Variants in ERC2 observed in about 807,000 individuals in gnomAD.
ERC2 encodes ERC protein 2.
In ERC2, 42 loss-of-function variants were observed where a neutral mutation model predicts 114.8. That is an observed-to-expected ratio of 0.37 (90% CI 0.29 to 0.47). The LOEUF (loss-of-function observed/expected upper bound fraction) is 0.47, where lower values mean the gene tolerates loss of function less well. Ranked by LOEUF, ERC2 falls within the 20% of genes least tolerant of loss-of-function variation. The probability of loss-of-function intolerance (pLI) is 0.99; values close to 1 mark genes in which losing one functional copy is unlikely to be tolerated. For missense variants in ERC2, 939 were observed against 1,150.7 expected (o/e 0.82, Z 2.66); for synonymous variants, 454 against 425.5 (o/e 1.07, Z -0.82).
intron 14 of ERC2, among the ~76,000 whole-genome samples, chr3:55,808,423 C>T (rs991518581): frequency 4.0e-5 from 6 of 151,888 alleles, no homozygotes; most frequent in Admixed American, 2.0e-4. Context: ...CAGTCACAAA[C>T]CATTTACATC....
chr3:56,214,095 G>A (rs959949733), intron 3 of ERC2, among the ~76,000 whole-genome samples: 18 of 152,278 alleles, frequency 1.2e-4, no homozygotes, highest in East Asian at 7.7e-4. Flanking sequence ...AACTCAGAGC[G>A]CCTCTCCTCC....
intron 7 of ERC2, among the ~76,000 whole-genome samples, chr3:56,074,634 C>G (rs531864674): frequency 6.6e-6 from 1 of 152,236 alleles, no homozygotes; most frequent in South Asian, 2.1e-4. Context: ...AGTGGCGAAA[C>G]ACCCTTACTC....
chr3:55,942,327 C>T lies in ERC2; in HGVS notation c.2403+8098G>A, dbSNP rs1367573901. Among the ~76,000 whole-genome samples, 6 of 126,316 alleles carry T rather than the reference C, an allele frequency of 4.7e-5. No homozygotes were observed. The South Asian group carries it at 1.3e-3, about 28-fold the overall frequency. The allele number at this position is 126,316 out of a possible 152,430, so 82.9% of individuals were successfully genotyped here. A position where few individuals can be genotyped will look rare whatever the true frequency, so the allele number is the denominator to read the frequency against. On this transcript the variant is annotated intron_variant, in intron 13 of 17. Transcript: ENST00000288221. The stretch of plus-strand genomic sequence containing the variant: ...TTGTTGAGACGGAGTCTCGCTCTGT[C>T]GCCCAGGCTGGAGTGCAGTGGCGGG...
intron 2 of ERC2, among the ~76,000 whole-genome samples, chr3:56,349,386 A>C (rs1217437943): frequency 6.6e-6 from 1 of 152,178 alleles, no homozygotes; most frequent in African/African-American, 2.4e-5. Flanking sequence ...CTCCACATAC[A>C]ATTACCCAAT....
chr3:55,844,268 G>A (rs1455201291), intron 14 of ERC2, among the ~76,000 whole-genome samples: 1 of 152,104 alleles, frequency 6.6e-6, no homozygotes, highest in Non-Finnish European at 1.5e-5. Flanking sequence ...GAATGTCACA[G>A]CAACACTATT....
chr3:55,629,148 C>A (rs1004682525), intron 17 of ERC2, among the ~76,000 whole-genome samples: 4 of 151,202 alleles, frequency 2.6e-5, no homozygotes, highest in African/African-American at 9.9e-5. Context: ...AGCAAGGATT[C>A]ATTACACTTG....
intron 16 of ERC2, among the ~76,000 whole-genome samples, chr3:55,685,907 T>A (rs375848079): frequency 1.3e-5 from 2 of 152,352 alleles, no homozygotes; most frequent in African/African-American, 4.8e-5. Flanking sequence ...TTCATTTTGT[T>A]CCAAATCCAT....
chr3:56,299,602 G>T (rs2055725920), intron 2 of ERC2, among the ~76,000 whole-genome samples: 1 of 151,518 alleles, frequency 6.6e-6, no homozygotes, highest in South Asian at 2.1e-4. Context: ...GCTAATTTTT[G>T]TATTTTTTGT....
At chr3:55,931,150 G>T (rs997140565) in intron 13 of ERC2, among the ~76,000 whole-genome samples, 1 of 152,194 alleles carries the variant, frequency 6.6e-6, no homozygotes, top group Non-Finnish European at 1.5e-5. Flanking sequence ...TTACACTGTT[G>T]GTGAGAGTGT....
intron 7 of ERC2, among the ~76,000 whole-genome samples, chr3:56,066,768 T>C (rs2076501750): frequency 6.6e-6 from 1 of 152,114 alleles, no homozygotes; most frequent in Non-Finnish European, 1.5e-5. Context: ...GTTTTCTGCA[T>C]ATGGCCTATT....
intron 14 of ERC2, among the ~76,000 whole-genome samples, chr3:55,821,656 G>A (rs770027298): frequency 1.3e-5 from 2 of 152,224 alleles, no homozygotes; most frequent in Non-Finnish European, 1.5e-5. Flanking sequence ...AAGAGCTGAT[G>A]TAGCATGCAT....
At chr3:56,051,360 C>T (rs2075755911) in intron 7 of ERC2, among the ~76,000 whole-genome samples, 1 of 152,036 alleles carries the variant, frequency 6.6e-6, no homozygotes, top group Admixed American at 6.5e-5. Flanking sequence ...AAACTTAATT[C>T]TAAACTGAAA....
intron 3 of ERC2, among the ~76,000 whole-genome samples, chr3:56,223,622 C>T (rs190843232): frequency 6.6e-6 from 1 of 151,502 alleles, no homozygotes; most frequent in Non-Finnish European, 1.5e-5. Context: ...ATGTATATAA[C>T]TCTCCCCTTT....
chr3:56,046,005 C>A (rs190901006), intron 7 of ERC2, among the ~76,000 whole-genome samples: 1 of 152,284 alleles, frequency 6.6e-6, no homozygotes, highest in Admixed American at 6.5e-5. Context: ...CCTGATAATG[C>A]AGATTCCTGA....
intron 1 of ERC2, among the ~76,000 whole-genome samples, chr3:56,453,092 G>A (rs1331888210): frequency 6.6e-5 from 10 of 152,264 alleles, no homozygotes; most frequent in Middle Eastern, 3.4e-3. Flanking sequence ...GCATTAAATT[G>A]CATCATGTGT....
intron 12 of ERC2, among the ~76,000 whole-genome samples, chr3:55,962,888 T>C (rs368137262): frequency 2.4e-4 from 37 of 152,320 alleles, no homozygotes; most frequent in African/African-American, 7.9e-4. Flanking sequence ...TACAAAGCTC[T>C]ATGGAGCACA....
chr3:56,146,130 A>G (rs960285820), intron 5 of ERC2, among the ~76,000 whole-genome samples: 17 of 152,106 alleles, frequency 1.1e-4, no homozygotes, highest in Middle Eastern at 3.4e-3. Context: ...CTACCAAAAA[A>G]ATACAAAAAA....
At chr3:55,815,701 G>A (rs560972650) in intron 14 of ERC2, among the ~76,000 whole-genome samples, 82 of 152,316 alleles carry the variant, frequency 5.4e-4, no homozygotes, top group Non-Finnish European at 1.0e-3. Flanking sequence ...TGTGTAATTC[G>A]TTATGGCGGC....
chr3:56,064,569 A>T (rs1938440582), intron 7 of ERC2, among the ~76,000 whole-genome samples: 1 of 152,242 alleles, frequency 6.6e-6, no homozygotes, highest in Non-Finnish European at 1.5e-5. Flanking sequence ...AACGCAACAG[A>T]AACTAAGGAA....
Sources: allele counts gnomAD v4.1 joint callset (sites outside exome capture counted in the v4.1 genomes callset), GRCh38; gene constraint gnomAD v4.1.1; transcripts MANE v1.5; gene names NCBI Gene and HGNC (gene_info 2026-07-23, HGNC 2026-07-21).